BTBD16: variants seen among roughly 807,000 people sequenced by gnomAD.
The protein encoded by BTBD16 is BTB/POZ domain-containing protein 16.
In BTBD16, 66 loss-of-function variants were observed where a neutral mutation model predicts 67.4. That is an observed-to-expected ratio of 0.98 (90% CI 0.80 to 1.20). BTBD16 has a LOEUF of 1.20. Among genes scored for constraint, BTBD16 ranks in the 50% most tolerant of loss-of-function variants. The pLI, the probability that BTBD16 is intolerant of heterozygous loss-of-function variation, is 0.00. For missense variants in BTBD16, 634 were observed against 616.0 expected (o/e 1.03, Z -0.31); for synonymous variants, 242 against 236.4 (o/e 1.02, Z -0.22).
At chr10:122,294,163 G>A (rs755706842) in intron 7 of BTBD16, 1 of 985,444 alleles carries the variant, frequency 1.0e-6, no homozygotes. Flanking sequence ...ACATAGTTGG[G>A]CTGGGTCTTG....
intron 10 of BTBD16, among the ~76,000 whole-genome samples, 194 bp downstream of exon 10, chr10:122,307,502 T>G (rs1347680779): frequency 1.3e-5 from 2 of 152,080 alleles, no homozygotes; most frequent in Admixed American, 6.6e-5. Context: ...GTAAACAACA[T>G]GTAGGTGTTG....
At chr10:122,282,158 G>A (rs2096354511) in intron 3 of BTBD16, among the ~76,000 whole-genome samples, 1 of 152,214 alleles carries the variant, frequency 6.6e-6, no homozygotes, top group South Asian at 2.1e-4. Flanking sequence ...ACTGATGTTT[G>A]TGAGAGTAGT....
At chr10:122,335,150 C>T (rs1181914852) in intron 14 of BTBD16, among the ~76,000 whole-genome samples, 171 bp downstream of exon 14, 1 of 152,180 alleles carries the variant, frequency 6.6e-6, no homozygotes, top group African/African-American at 2.4e-5. Context: ...TTTACAACAA[C>T]CTTGGGAAGT....
intron 3 of BTBD16, among the ~76,000 whole-genome samples, chr10:122,281,692 C>G (rs1010375098): frequency 2.6e-5 from 4 of 152,222 alleles, no homozygotes; most frequent in Non-Finnish European, 5.9e-5. Context: ...TCTTTCACTC[C>G]TCCCTTCCTC....
At chr10:122,275,486 T>A (rs2096338606) in intron 2 of BTBD16, among the ~76,000 whole-genome samples, 1 of 152,190 alleles carries the variant, frequency 6.6e-6, no homozygotes, top group South Asian at 2.1e-4. Flanking sequence ...ATCCTCACTG[T>A]CGTTGTCACG....
chr10:122,315,809 C>G (rs1416807974), intron 10 of BTBD16, among the ~76,000 whole-genome samples: 2 of 152,134 alleles, frequency 1.3e-5, no homozygotes, highest in African/African-American at 4.8e-5. Context: ...CAAACTTTAT[C>G]TTTTTAGAGC....
At chr10:122,295,340 A>C (rs146682822) in intron 7 of BTBD16, 7 of 985,412 alleles carry the variant, frequency 7.1e-6, no homozygotes, top group African/African-American at 1.7e-5. Flanking sequence ...GAGCAGCATC[A>C]AACTGGGATA....
intron 10 of BTBD16, among the ~76,000 whole-genome samples, chr10:122,318,205 TGTATATATA>T (rs1388360671): frequency 6.6e-6 from 1 of 152,174 alleles, no homozygotes; most frequent in African/African-American, 2.4e-5. Flanking sequence ...GGTGCCTGAC[TGTATATATA>T]GAATGTTATA....
chr10:122,306,663 C>T (rs576937094), intron 9 of BTBD16, among the ~76,000 whole-genome samples: 5 of 152,128 alleles, frequency 3.3e-5, no homozygotes, highest in Admixed American at 6.5e-5. Context: ...CACCTTGGTG[C>T]GAAATTTAAG....
chr10:122,314,632 G>A (rs2096420599), intron 10 of BTBD16, among the ~76,000 whole-genome samples: 1 of 152,088 alleles, frequency 6.6e-6, no homozygotes, highest in African/African-American at 2.4e-5. Flanking sequence ...ATTGTAAATA[G>A]TATCATTTAA....
chr10:122,280,505 T>A (rs1175116585), intron 3 of BTBD16, among the ~76,000 whole-genome samples: 1 of 151,958 alleles, frequency 6.6e-6, no homozygotes, highest in Non-Finnish European at 1.5e-5. Context: ...CATTCAAGGG[T>A]GGGAGGAGGT....
intron 10 of BTBD16, among the ~76,000 whole-genome samples, chr10:122,325,374 G>A (rs976674546): frequency 6.6e-6 from 1 of 152,194 alleles, no homozygotes; most frequent in Non-Finnish European, 1.5e-5. Flanking sequence ...TAAATCAGAT[G>A]TATGTTAGAA....
intron 4 of BTBD16, 48 bp downstream of exon 4, chr10:122,283,972 G>A: frequency 7.0e-7 from 1 of 1,430,922 alleles, no homozygotes; most frequent in Non-Finnish European, 9.9e-7. Flanking sequence ...GCTGATTTCA[G>A]GGGCATCTTG....
At chr10:122,288,071 C>T (rs2096367107) in intron 5 of BTBD16, among the ~76,000 whole-genome samples, 4 of 151,658 alleles carry the variant, frequency 2.6e-5, no homozygotes, top group Admixed American at 2.0e-4. Flanking sequence ...ATGTGGAATG[C>T]TTAGCTTATG....
intron 9 of BTBD16, among the ~76,000 whole-genome samples, chr10:122,302,493 C>A (rs1423277531): frequency 1.3e-5 from 2 of 152,160 alleles, no homozygotes; most frequent in African/African-American, 4.8e-5. Context: ...GCACTGTATC[C>A]CTGTGTCTCC....
At chr10:122,316,416 T>G (rs2096424507) in intron 10 of BTBD16, among the ~76,000 whole-genome samples, 2 of 152,328 alleles carry the variant, frequency 1.3e-5, no homozygotes, top group African/African-American at 4.8e-5. Flanking sequence ...CATGCGTCAC[T>G]GAACAACTAG....
chr10:122,306,426 T>C (rs2096403805), intron 9 of BTBD16, among the ~76,000 whole-genome samples: 7 of 152,230 alleles, frequency 4.6e-5, no homozygotes, highest in Admixed American at 4.6e-4. Context: ...ATCCACTCTG[T>C]ACCACTCTCC....
Position 122,334,427 on chromosome 10 carries a change from C to T in BTBD16, c.1165-454C>T, listed in dbSNP as rs180781976. Among the ~76,000 whole-genome samples the T allele has an allele frequency of 5.3e-4, 79 of 147,988 alleles. 1 individual carries two copies. The East Asian group carries it at 0.011, about 21-fold the overall frequency. ...AGCCAGGATGGTCTTGATCTTCTGA[C>T]CTCGTGATCGGCCCGCCTCAGCCTC... On this transcript the variant is annotated intron_variant, in intron 13 of 15. Coordinates refer to ENST00000260723, the MANE Select transcript of BTBD16 (RefSeq NM_144587.5).
At chr10:122,286,015 C>A in intron 4 of BTBD16, 90 bp from the exon 5 acceptor site, 1 of 1,286,986 alleles carries the variant, frequency 7.8e-7, no homozygotes, top group Non-Finnish European at 1.1e-6. Context: ...AATGATCCAC[C>A]GAGCAAAGGA....
Sources: gnomAD v4.1 joint callset for allele counts (sites outside exome capture counted in the v4.1 genomes callset) on GRCh38, gnomAD v4.1.1 for gene constraint, MANE v1.5 for transcripts, NCBI Gene and HGNC (gene_info 2026-07-23, HGNC 2026-07-21) for gene names.